The following ZNF775 variants were observed in gnomAD, a reference collection of about 807,000 sequenced individuals.
The protein encoded by ZNF775 is zinc finger protein 775.
ZNF775 carries 1 observed loss-of-function variant against 2.4 expected under a neutral mutation model. The ratio of observed to expected loss-of-function variants is 0.41; its 90% CI spans 0.15 to 1.94. The LOEUF (loss-of-function observed/expected upper bound fraction) is 1.94, where lower values mean the gene tolerates loss of function less well. Ranked by LOEUF, ZNF775 falls within the 30% of genes most tolerant of loss-of-function variation. The pLI, the probability that ZNF775 is intolerant of heterozygous loss-of-function variation, is 0.30. For missense variants in ZNF775, 823 were observed against 826.6 expected, an observed-to-expected ratio of 1.00 and a Z score of 0.05; for synonymous variants, 381 against 373.3, an observed-to-expected ratio of 1.02 and a Z score of -0.24.
At chr7:150,381,147 G>A (rs955278510) in intron 1 of ZNF775, among the ~76,000 whole-genome samples, 1 of 152,076 alleles carries the variant, frequency 6.6e-6, no homozygotes, top group African/African-American at 2.4e-5. Flanking sequence ...TGCAGCTCTC[G>A]CCTCTGAAGG....
chr7:150,383,194 A>G (rs183953431), intron 1 of ZNF775, among the ~76,000 whole-genome samples: 16 of 152,254 alleles, frequency 1.1e-4, no homozygotes, highest in African/African-American at 1.9e-4. Context: ...TTATGTCCCT[A>G]TGATCATATA....
In ZNF775 at chr7:150,396,546, A is replaced by T; in HGVS notation, c.65A>T (p.Lys22Met). 6.2e-7 allele frequency: 1 copy of T among 1,603,832 alleles called. No homozygotes were observed. The highest frequency in any genetic ancestry group is 8.5e-7 in the Non-Finnish European group (1 of 1,176,960). ...CTGGTGATGAAGGTCAAGCAGGAGA[A>T]GCCGGAGCGGCTGCTGCAGACGCTG... ...AGLVMKVKQEKPERLLQTLAP... is the reference protein window; with the variant it reads ...AGLVMKVKQEMPERLLQTLAP... Residue 22 changes from lysine (K) to methionine (M), a missense_variant, in exon 3 of 3, where the codon AAG becomes ATG. Coordinates refer to ENST00000329630, the MANE Select transcript of ZNF775 (RefSeq NM_173680.4).
At chr7:150,389,362 G>C (rs1265569727) in intron 2 of ZNF775, among the ~76,000 whole-genome samples, 1 of 152,248 alleles carries the variant, frequency 6.6e-6, no homozygotes, top group African/African-American at 2.4e-5. Flanking sequence ...ACCCAAGACT[G>C]AGACAAAAAT....
Position 150,384,551 on chromosome 7 carries a change from C to T in ZNF775, c.-49-3871C>T, listed in dbSNP as rs1800418731. Among the ~76,000 whole-genome samples, 1 of 152,196 alleles carries T rather than the reference C, an allele frequency of 6.6e-6. No homozygotes were observed. The highest frequency in any genetic ancestry group is 2.4e-5 in the African/African-American group (1 of 41,436). ...GCTTTCCTGGATTTTGTCTGTAGGA[C>T]ACCTGCTGTGCCATTTCCCAGACAT... On this transcript the variant is annotated intron_variant, in intron 1 of 2. Coordinates refer to ENST00000329630, the MANE Select transcript of ZNF775 (RefSeq NM_173680.4). The surrounding 1 kb of genome is among the most constrained non-coding windows in gnomAD (Gnocchi z 4.1).
At chr7:150,395,738 C>T (rs12155289) in intron 2 of ZNF775, among the ~76,000 whole-genome samples, 3,064 of 152,316 alleles carry the variant, frequency 0.02, 54 homozygotes, top group Admixed American at 0.031. Context: ...GACTTGTGCA[C>T]GGCCCAAGTG....
chr7:150,397,900 C>G lies in ZNF775; in HGVS notation c.1419C>G (p.Pro473=). ...AGCGCATCCACACGGGTGAGCGGCCCTACCCGTGCCCCGAGTGCGGCCGCC... is the reference window on the plus strand; with the variant it reads ...AGCGCATCCACACGGGTGAGCGGCCGTACCCGTGCCCCGAGTGCGGCCGCC... ...IHQRIHTGER[P]YPCPECGRRF... The change falls in exon 3 of 3, where the codon CCC becomes CCG. Residue 473 remains proline (P), a synonymous_variant. Transcript: ENST00000329630. The G allele has an allele frequency of 6.2e-7, 1 of 1,602,714 alleles. No individual in the cohort carries two copies. The highest frequency in any genetic ancestry group is 8.5e-7 in the Non-Finnish European group (1 of 1,178,536).
rs1800722435 is a variant in ZNF775 at position 150,398,332 on chromosome 7, G to A, written c.*237G>A. On this transcript the variant is annotated 3_prime_UTR_variant, in exon 3 of 3. Coordinates refer to ENST00000329630, the MANE Select transcript of ZNF775 (RefSeq NM_173680.4). ...CGAGTTCCTCACCGCGGGCCGGGAT[G>A]TGACCACCCTCTTCAGAGGTTGGAC... The A allele has an allele frequency of 3.1e-6, 2 of 640,754 alleles. No homozygotes were observed. The highest frequency in any genetic ancestry group is 5.1e-6 in the Non-Finnish European group (2 of 390,034). The allele number at this position is 640,754 out of a possible 1,614,324, so 39.7% of individuals were successfully genotyped here.
rs1800372557 is a variant in ZNF775 at position 150,382,017 on chromosome 7, G to A, written c.-50+2625G>A. 6.6e-6 allele frequency among the ~76,000 whole-genome samples: 1 copy of A among 151,940 alleles called. No homozygotes were observed. Among genetic ancestry groups the A allele is most frequent in the African/African-American group, 2.4e-5 (1 of 41,328 alleles). The stretch of plus-strand genomic sequence containing the variant: ...GTGCCTGATGCTGGGTGTGGGGATG[G>A]AGGCCTCCAGGTGGGGGAGGGGATG... On this transcript the variant is annotated intron_variant, in intron 1 of 2. Coordinates refer to ENST00000329630, the MANE Select transcript of ZNF775 (RefSeq NM_173680.4). The surrounding 1 kb of genome is among the most constrained non-coding windows in gnomAD (Gnocchi z 4.6).
At position 150,396,738 on chromosome 7, in the gene ZNF775, G is replaced by T; in HGVS notation, c.257G>T (p.Gly86Val). The change falls in exon 3 of 3, where the codon GGC (glycine) becomes GTC (valine). Residue 86 changes from glycine (G) to valine (V), a missense_variant. Gly to Val is a moderately radical substitution (Grantham distance 109). Transcript: ENST00000329630. Reference sequence around the variant, plus strand: ...ACTGAGCAGGATGCGGGGCTGGCAGGCCGGGCTCCCGGGTCAGCCTCCGGC... The same window carrying T: ...ACTGAGCAGGATGCGGGGCTGGCAGTCCGGGCTCCCGGGTCAGCCTCCGGC... Reference protein sequence around the residue: ...PPTEQDAGLAGRAPGSASGPL... With the variant: ...PPTEQDAGLAVRAPGSASGPL... 1 of 1,590,418 alleles carries T rather than the reference G, an allele frequency of 6.3e-7. No individual in the cohort carries two copies. Among genetic ancestry groups the T allele is most frequent in the Non-Finnish European group, 8.6e-7 (1 of 1,169,004 alleles).
chr7:150,392,458 C>T (rs1480194191), intron 2 of ZNF775, among the ~76,000 whole-genome samples: 1 of 152,124 alleles, frequency 6.6e-6, no homozygotes, highest in African/African-American at 2.4e-5. Flanking sequence ...CTTAAGTCAC[C>T]AGGCCCACCA....
At position 150,397,435 on chromosome 7, in the gene ZNF775, C is replaced by T. The variant is rs200888705; in HGVS notation, c.954C>T (p.Phe318=). 4 of 1,596,000 alleles carry T rather than the reference C, an allele frequency of 2.5e-6. No individual in the cohort carries two copies. The Admixed American group carries it at 5.0e-5, about 20-fold the overall frequency. ...PYACPECGRR[F]SQKPNLTRHL... ...CGTGCCCCGAGTGCGGCCGCCGCTT[C>T]AGCCAGAAGCCCAACTTGACGCGGC... Residue 318 remains phenylalanine, a synonymous_variant, in exon 3 of 3, where the codon TTC becomes TTT. Coordinates refer to ENST00000329630, the MANE Select transcript of ZNF775 (RefSeq NM_173680.4).
At chr7:150,389,572 A>G (rs1335921418) in intron 2 of ZNF775, among the ~76,000 whole-genome samples, 1 of 152,152 alleles carries the variant, frequency 6.6e-6, no homozygotes, top group East Asian at 1.9e-4. Context: ...CGTGTTATAG[A>G]AGGCCCTTTC....
In ZNF775 at chr7:150,396,635, CCGCCA is replaced by C; in HGVS notation, c.160_164del (p.Arg54AspfsTer24). ...CATATTTCAGCAGCACCGGGGCCTC[CCGCCA>C]CGCCAGACCATGGGGCGGCCTCGAG... On this transcript the variant is annotated frameshift_variant, in exon 3 of 3. Coordinates refer to ENST00000329630, the MANE Select transcript of ZNF775 (RefSeq NM_173680.4). LOFTEE classifies it low-confidence loss of function (END_TRUNC). The C allele has an allele frequency of 3.1e-6, 5 of 1,611,650 alleles. No homozygotes were observed. Among genetic ancestry groups the C allele is most frequent in the Non-Finnish European group, 4.2e-6 (5 of 1,179,630 alleles).
chr7:150,392,221 C>T (rs1418390760), intron 2 of ZNF775, among the ~76,000 whole-genome samples: 3 of 152,126 alleles, frequency 2.0e-5, no homozygotes, highest in Non-Finnish European at 4.4e-5. Context: ...TATAAACAAT[C>T]TTCACTATGA....
chr7:150,383,020 T>C (rs931706189), intron 1 of ZNF775, among the ~76,000 whole-genome samples: 1 of 152,236 alleles, frequency 6.6e-6, no homozygotes, highest in Non-Finnish European at 1.5e-5. Flanking sequence ...TGTAGGTGTG[T>C]CTGTGAGTTT....
intron 2 of ZNF775, 57 bp downstream of exon 2, chr7:150,388,558 G>T: frequency 6.5e-7 from 1 of 1,546,836 alleles, no homozygotes; most frequent in South Asian, 1.2e-5. Context: ...GAGGTCACGT[G>T]CCCTTATCTT....
At position 150,384,155 on chromosome 7, in the gene ZNF775, A is replaced by T. The variant is rs1182484332; in HGVS notation, c.-49-4267A>T. Among the ~76,000 whole-genome samples, 1 of 152,190 alleles carries T rather than the reference A, an allele frequency of 6.6e-6. No homozygotes were observed. The highest frequency in any genetic ancestry group is 1.5e-5 in the Non-Finnish European group (1 of 68,030). ...GACCCGGTGCGCGGAGGGCCGGGCC[A>T]GGGCCAGGCGTGGGAAGGGGGCCCC... On this transcript the variant is annotated intron_variant, in intron 1 of 2. Transcript: ENST00000329630. The surrounding 1 kb of genome is among the most constrained non-coding windows in gnomAD (Gnocchi z 4.1).
At chr7:150,387,065 G>A (rs1331567281) in intron 1 of ZNF775, among the ~76,000 whole-genome samples, 1 of 152,130 alleles carries the variant, frequency 6.6e-6, no homozygotes, top group Non-Finnish European at 1.5e-5. Context: ...GGGAGACCGA[G>A]GTGGGTAGAT....
intron 1 of ZNF775, chr7:150,380,071 G>A (rs1258519772): frequency 6.6e-6 from 1 of 152,266 alleles, no homozygotes; most frequent in African/African-American, 2.4e-5. Context: ...GTGGAGATGG[G>A]TCCTCCTTCG....
Sources: allele counts gnomAD v4.1 joint callset (sites outside exome capture counted in the v4.1 genomes callset), GRCh38; gene constraint gnomAD v4.1.1; non-coding constraint Gnocchi (gnomAD v3.1); transcripts MANE v1.5; gene names NCBI Gene and HGNC (gene_info 2026-07-23, HGNC 2026-07-21).